The following PTK2 variants were observed in gnomAD, a reference collection of about 807,000 sequenced individuals.
PTK2 encodes focal adhesion kinase 1.
PTK2 carries 45 observed loss-of-function variants against 150.1 expected under a neutral mutation model. That is an observed-to-expected ratio of 0.30 (90% confidence interval 0.24 to 0.38). The LOEUF is 0.38. PTK2 is among the 10% of genes least tolerant of loss of function. The pLI is 1.00. For missense variants in PTK2, 919 were observed against 1,307.3 expected, an observed-to-expected ratio of 0.70 and a Z score of 4.58; for synonymous variants, 432 against 449.2, an observed-to-expected ratio of 0.96 and a Z score of 0.48.
At chr8:140,828,771 C>T (rs901788403) in intron 8 of PTK2, among the ~76,000 whole-genome samples, 15 of 152,196 alleles carry the variant, frequency 9.9e-5, no homozygotes, top group African/African-American at 3.1e-4. Context: ...CATGCCTTCT[C>T]GGCTCCCACA....
intron 10 of PTK2, among the ~76,000 whole-genome samples, chr8:140,810,265 C>A (rs2100100644): frequency 6.6e-6 from 1 of 152,228 alleles, no homozygotes; most frequent in Non-Finnish European, 1.5e-5. Context: ...GCAGGAGCGT[C>A]TGTAGTGGAA....
At chr8:140,957,200 G>A (rs1384905367) in intron 1 of PTK2, among the ~76,000 whole-genome samples, 1 of 152,130 alleles carries the variant, frequency 6.6e-6, no homozygotes, top group African/African-American at 2.4e-5. Context: ...TTGGGAGGCC[G>A]AGGCAGATGG....
At chr8:140,989,918 A>T (rs1724027395) in intron 1 of PTK2, among the ~76,000 whole-genome samples, 1 of 151,942 alleles carries the variant, frequency 6.6e-6, no homozygotes, top group Admixed American at 6.6e-5. Context: ...CTCAAAAAAA[A>T]AAAAAAAGAG....
At chr8:140,986,515 C>T (rs2100193301) in intron 1 of PTK2, among the ~76,000 whole-genome samples, 1 of 152,238 alleles carries the variant, frequency 6.6e-6, no homozygotes. Flanking sequence ...GAAACTACCT[C>T]TGCCCTCAGT....
At chr8:140,872,024 T>C (rs1187628723) in intron 4 of PTK2, among the ~76,000 whole-genome samples, 1 of 151,346 alleles carries the variant, frequency 6.6e-6, no homozygotes, top group Non-Finnish European at 1.5e-5. Flanking sequence ...CTGGCCAACA[T>C]GGTGAAACCC....
chr8:140,897,370 G>GA (rs903505931), intron 2 of PTK2, among the ~76,000 whole-genome samples: 183 of 144,708 alleles, frequency 1.3e-3, no homozygotes, highest in Middle Eastern at 7.1e-3. Context: ...CTTACCAAAA[G>GA]AAAAAAAAAA....
chr8:140,805,223 C>T (rs1399879967), intron 10 of PTK2, among the ~76,000 whole-genome samples: 2 of 152,198 alleles, frequency 1.3e-5, no homozygotes, highest in East Asian at 3.9e-4. Flanking sequence ...AAGGGTACTC[C>T]CTCAAAACAT....
intron 14 of PTK2, among the ~76,000 whole-genome samples, chr8:140,773,792 G>C (rs556548375): frequency 1.3e-5 from 2 of 152,312 alleles, no homozygotes; most frequent in East Asian, 3.9e-4. Flanking sequence ...GGAAAAGAGA[G>C]AGTTCCTACA....
intron 1 of PTK2, among the ~76,000 whole-genome samples, chr8:140,961,978 G>A (rs1450580981): frequency 1.3e-5 from 2 of 152,112 alleles, no homozygotes; most frequent in African/African-American, 2.4e-5. Context: ...TCTGGGCCTG[G>A]TGTGGTGGCT....
At chr8:140,946,058 C>T (rs768513474) in intron 1 of PTK2, among the ~76,000 whole-genome samples, 6 of 152,106 alleles carry the variant, frequency 3.9e-5, no homozygotes, top group Non-Finnish European at 7.4e-5. Context: ...CCTCTCTAGA[C>T]TGAAGCAGGG....
At chr8:140,850,934 A>T (rs2100128912) in intron 5 of PTK2, among the ~76,000 whole-genome samples, 1 of 152,202 alleles carries the variant, frequency 6.6e-6, no homozygotes, top group African/African-American at 2.4e-5. Context: ...CAACTCAATG[A>T]TTTGGCTACC....
intron 30 of PTK2, among the ~76,000 whole-genome samples, chr8:140,665,818 T>C (rs1257841226): frequency 6.6e-6 from 1 of 152,184 alleles, no homozygotes; most frequent in African/African-American, 2.4e-5. Flanking sequence ...TGTACAAAAT[T>C]CTGAATGGTT....
intron 22 of PTK2, among the ~76,000 whole-genome samples, chr8:140,734,019 A>G (rs2100051107): frequency 6.6e-6 from 1 of 152,210 alleles, no homozygotes; most frequent in African/African-American, 2.4e-5. Flanking sequence ...AAACATTTTC[A>G]GACTGGATGA....
chr8:140,702,984 G>A (rs897074388), intron 24 of PTK2, among the ~76,000 whole-genome samples: 3 of 152,178 alleles, frequency 2.0e-5, no homozygotes, highest in Non-Finnish European at 4.4e-5. Context: ...CCTTAAAAGT[G>A]CAAGAGGGAA....
intron 1 of PTK2, among the ~76,000 whole-genome samples, chr8:140,951,949 T>G (rs567831160): frequency 6.6e-6 from 1 of 152,020 alleles, no homozygotes; most frequent in Non-Finnish European, 1.5e-5. Context: ...GAGATGGCTC[T>G]TGGGTCACAA....
rs143535890 is a variant in PTK2, at chr8:140,780,472, C to T, written c.1177+9002G>A. Among the ~76,000 whole-genome samples, 545 of 152,084 alleles carry T rather than the reference C, an allele frequency of 3.6e-3. 3 individuals are homozygous for T. The highest frequency in any genetic ancestry group is 0.012 in the African/African-American group (516 of 41,452). The stretch of plus-strand genomic sequence containing the variant: ...TAACAAGCAGCTGATGGGAAATAAA[C>T]GGGCCAGAAAAGAATAGGTTAAACA... On this transcript the variant is annotated intron_variant, in intron 14 of 31. Coordinates refer to ENST00000522684, the Ensembl canonical transcript of PTK2.
chr8:140,896,843 A>G (rs1392998816), intron 2 of PTK2, among the ~76,000 whole-genome samples: 1 of 150,678 alleles, frequency 6.6e-6, no homozygotes, highest in Admixed American at 6.7e-5. Flanking sequence ...CAAAACTATC[A>G]TTATTCATAA....
rs34554819 is a variant in PTK2, at chr8:140,935,702, C to CTT, written c.-121-9955_-121-9954dup. On this transcript the variant is annotated intron_variant, in intron 1 of 31. Coordinates refer to ENST00000522684, the Ensembl canonical transcript of PTK2. Reference sequence around the variant, plus strand: ...ATCTCAATGCTCAGTATGTCCTCATCTTTTTTTTTTTTTTTGAGACAGAGT... The same window carrying CTT: ...ATCTCAATGCTCAGTATGTCCTCATCTTTTTTTTTTTTTTTTTGAGACAGAGT... Among the ~76,000 whole-genome samples the CTT allele has an allele frequency of 2.4e-3, 300 of 123,834 alleles. 9 individuals are homozygous for CTT. The highest frequency in any genetic ancestry group is 8.7e-3 in the East Asian group (35 of 4,024). 81.2% of individuals were successfully genotyped at this position (123,834 alleles called of 152,430 possible).
At chr8:140,897,744 G>A (rs950539152) in intron 2 of PTK2, among the ~76,000 whole-genome samples, 1 of 152,182 alleles carries the variant, frequency 6.6e-6, no homozygotes, top group African/African-American at 2.4e-5. Flanking sequence ...TGTTGTTTGT[G>A]TGGTTCTGTA....
Sources: allele counts gnomAD v4.1 joint callset (sites outside exome capture counted in the v4.1 genomes callset), GRCh38; gene constraint gnomAD v4.1.1; transcripts MANE v1.5; gene names NCBI Gene and HGNC (gene_info 2026-07-23, HGNC 2026-07-21).